Variants in CREB5 observed in about 807,000 individuals in gnomAD.
CREB5 encodes cyclic AMP-responsive element-binding protein 5.
In CREB5, 19 loss-of-function variants were observed where a neutral mutation model predicts 57.1. The ratio of observed to expected loss-of-function variants is 0.33; its 90% CI spans 0.23 to 0.49. CREB5 has a LOEUF of 0.49. Among genes scored for constraint, CREB5 ranks in the 20% least tolerant of loss-of-function variants. The pLI is 0.99. For missense variants in CREB5, 579 were observed against 671.6 expected, an observed-to-expected ratio of 0.86 and a Z score of 1.52; for synonymous variants, 238 against 238.3, an observed-to-expected ratio of 1.00 and a Z score of 0.01.
intron 4 of CREB5, among the ~76,000 whole-genome samples, chr7:28,513,205 A>T (rs1285149127): frequency 1.3e-5 from 2 of 152,386 alleles, no homozygotes; most frequent in African/African-American, 4.8e-5. Context: ...TCTGTGGGGA[A>T]GGTATGAGTG....
chr7:28,750,871 G>A (rs1056727160), intron 7 of CREB5, among the ~76,000 whole-genome samples: 4 of 152,026 alleles, frequency 2.6e-5, no homozygotes, highest in African/African-American at 7.3e-5. Flanking sequence ...GAATTTATCA[G>A]GTAATGTAAT....
chr7:28,639,085 C>A (rs1004026136), intron 5 of CREB5, among the ~76,000 whole-genome samples: 1 of 152,208 alleles, frequency 6.6e-6, no homozygotes, highest in Non-Finnish European at 1.5e-5. Flanking sequence ...CGCCACACTT[C>A]ATGAATGCTT....
intron 5 of CREB5, among the ~76,000 whole-genome samples, chr7:28,700,316 C>T (rs1300182608): frequency 1.3e-5 from 2 of 152,106 alleles, no homozygotes; most frequent in Non-Finnish European, 1.5e-5. Flanking sequence ...GTCTCCTCTT[C>T]GAGGACCATC....
At chr7:28,512,178 A>C (rs574481714) in intron 4 of CREB5, among the ~76,000 whole-genome samples, 58 of 152,360 alleles carry the variant, frequency 3.8e-4, no homozygotes, top group South Asian at 3.7e-3. Flanking sequence ...CTGGACCAGC[A>C]GATGGATATA....
intron 4 of CREB5, among the ~76,000 whole-genome samples, chr7:28,556,307 T>C (rs571606615): frequency 1.3e-5 from 2 of 152,308 alleles, no homozygotes; most frequent in East Asian, 3.9e-4. Context: ...TGTAGACAGA[T>C]AGGAAGCTGT....
intron 7 of CREB5, among the ~76,000 whole-genome samples, chr7:28,765,630 A>G (rs1805921504): frequency 6.6e-6 from 1 of 152,218 alleles, no homozygotes; most frequent in African/African-American, 2.4e-5. Context: ...AGCACCAGCA[A>G]TAAAAAAAGA....
intron 4 of CREB5, among the ~76,000 whole-genome samples, chr7:28,565,064 G>A (rs1208449752): frequency 1.3e-5 from 2 of 152,178 alleles, no homozygotes; most frequent in Non-Finnish European, 2.9e-5. Context: ...AGGAAGGGTA[G>A]ACAAACTGGA....
Position 28,768,049 on chromosome 7 carries a change from G to T in CREB5, c.703-36150G>T, listed in dbSNP as rs189706993. 2.0e-4 allele frequency among the ~76,000 whole-genome samples: 30 copies of T among 152,280 alleles called. 1 individual carries two copies. The Middle Eastern group carries it at 0.017, about 86-fold the overall frequency. On this transcript the variant is annotated intron_variant, in intron 7 of 10. Coordinates refer to ENST00000357727, the MANE Select transcript of CREB5 (RefSeq NM_182898.4). ...TAATTCTATCATTTATAAAATCTAAGGATTTTGCATATTTTAGCCCTATTT... is the reference window on the plus strand; with the variant it reads ...TAATTCTATCATTTATAAAATCTAATGATTTTGCATATTTTAGCCCTATTT...
At chr7:28,641,145 G>A (rs1798643208) in intron 5 of CREB5, among the ~76,000 whole-genome samples, 1 of 152,094 alleles carries the variant, frequency 6.6e-6, no homozygotes, top group Non-Finnish European at 1.5e-5. Flanking sequence ...GTGTTCCTGG[G>A]AGCTGGGTTA....
At position 28,333,130 on chromosome 7, in the gene CREB5, T is replaced by C. The variant is rs111736193; in HGVS notation, c.-25+33689T>C. Among the ~76,000 whole-genome samples the C allele has an allele frequency of 6.4e-3, 968 of 152,354 alleles. 5 individuals carry two copies. The highest frequency in any genetic ancestry group is 0.022 in the African/African-American group (913 of 41,588). On this transcript the variant is annotated intron_variant, in intron 1 of 9. Coordinates refer to the CREB5 transcript ENST00000396299. ...GCTATGAAGTGGGAATGCTCCTAAC[T>C]TGTGTTTAAATAATTGATTATATAG... is the stretch of plus-strand genomic sequence containing the variant.
intron 7 of CREB5, among the ~76,000 whole-genome samples, chr7:28,796,734 C>T (rs1808065190): frequency 6.6e-6 from 1 of 152,170 alleles, no homozygotes; most frequent in African/African-American, 2.4e-5. Flanking sequence ...CTTAGTAAAC[C>T]TCAACTTGGA....
chr7:28,644,772 C>A (rs182762309), intron 5 of CREB5, among the ~76,000 whole-genome samples: 1 of 152,052 alleles, frequency 6.6e-6, no homozygotes, highest in African/African-American at 2.4e-5. Context: ...GCTTACTGAC[C>A]TGCAGCATTA....
At chr7:28,757,705 G>T (rs1255028641) in intron 7 of CREB5, among the ~76,000 whole-genome samples, 1 of 151,812 alleles carries the variant, frequency 6.6e-6, no homozygotes, top group Non-Finnish European at 1.5e-5. Context: ...AGTATGAATT[G>T]TGGTAGTAGT....
At chr7:28,698,142 T>C (rs1043259338) in intron 5 of CREB5, among the ~76,000 whole-genome samples, 26 of 152,128 alleles carry the variant, frequency 1.7e-4, no homozygotes, top group Non-Finnish European at 3.5e-4. Flanking sequence ...CAAGATGGAT[T>C]TCAGGTTTGT....
intron 7 of CREB5, among the ~76,000 whole-genome samples, chr7:28,738,787 C>T (rs1704618272): frequency 6.6e-6 from 1 of 152,182 alleles, no homozygotes; most frequent in African/African-American, 2.4e-5. Flanking sequence ...CCATTCATCT[C>T]TTAGTTCCCA....
chr7:28,341,389 C>T (rs1785934094), intron 1 of CREB5, among the ~76,000 whole-genome samples: 1 of 152,170 alleles, frequency 6.6e-6, no homozygotes, highest in Admixed American at 6.5e-5. Context: ...TTATACCAGT[C>T]ATTCACACCC....
intron 2 of CREB5, 133 bp from the exon 3 acceptor site, chr7:28,494,773 A>G (rs1487724679): frequency 1.5e-5 from 9 of 616,940 alleles, no homozygotes; most frequent in Non-Finnish European, 2.5e-5. Context: ...CTTTTTCGAA[A>G]TGTTTTTTTT....
At chr7:28,444,482 G>T (rs1050913322) in intron 1 of CREB5, among the ~76,000 whole-genome samples, 38 of 152,274 alleles carry the variant, frequency 2.5e-4, no homozygotes, top group African/African-American at 8.2e-4. Flanking sequence ...ACCTACCTTT[G>T]AACTGTCGTG....
intron 1 of CREB5, among the ~76,000 whole-genome samples, chr7:28,328,613 T>C (rs1481070582): frequency 2.6e-5 from 4 of 152,214 alleles, no homozygotes; most frequent in Non-Finnish European, 4.4e-5. Context: ...GAGCACTTAT[T>C]ATCTGCAACG....
Sources: allele counts gnomAD v4.1 joint callset (sites outside exome capture counted in the v4.1 genomes callset), GRCh38; gene constraint gnomAD v4.1.1; transcripts MANE v1.5; gene names NCBI Gene and HGNC (gene_info 2026-07-23, HGNC 2026-07-21).